JARID2: variants seen among roughly 807,000 people sequenced by gnomAD.
The protein encoded by JARID2 is jumonji and AT-rich interaction domain containing 2.
Under a neutral mutation model 125.6 loss-of-function variants are expected in JARID2, and 21 were observed. The observed-to-expected ratio is 0.17, with a 90% CI of 0.12 to 0.24. The LOEUF is 0.24. Ranked by LOEUF, JARID2 falls within the 10% of genes least tolerant of loss-of-function variation. The pLI, the probability that JARID2 is intolerant of heterozygous loss-of-function variation, is 1.00. For missense variants in JARID2, 1,303 were observed against 1,639.6 expected, an observed-to-expected ratio of 0.79 and a Z score of 3.55; for synonymous variants, 736 against 661.6, an observed-to-expected ratio of 1.11 and a Z score of -1.73.
At chr6:15,446,031 T>G (rs1767658678) in intron 3 of JARID2, among the ~76,000 whole-genome samples, 1 of 152,212 alleles carries the variant, frequency 6.6e-6, no homozygotes, top group South Asian at 2.1e-4. Context: ...CCTGTTGCTA[T>G]TGGATCTGTT....
At chr6:15,263,065 GGTGTGTGTTTGTGTGTGTGTGTGT>G in intron 1 of JARID2, among the ~76,000 whole-genome samples, 1 of 141,090 alleles carries the variant, frequency 7.1e-6, no homozygotes, top group African/African-American at 2.7e-5. Flanking sequence ...CCCTTTGGAG[GGTGTGTGTTTGTGTGTGTGTGTGT>G]GTGTGTGTGT....
intron 2 of JARID2, 89 bp from the exon 3 acceptor site, chr6:15,410,135 T>A: frequency 8.3e-7 from 1 of 1,204,936 alleles, no homozygotes; most frequent in Non-Finnish European, 1.2e-6. Flanking sequence ...CTTGTCTGTC[T>A]TCATCAGCGT....
At chr6:15,416,105 ACT>A (rs1213412150) in intron 3 of JARID2, among the ~76,000 whole-genome samples, 1 of 146,696 alleles carries the variant, frequency 6.8e-6, no homozygotes, top group Non-Finnish European at 1.5e-5. Context: ...CTGGGCAGAG[ACT>A]CTCCTCACTT....
chr6:15,401,073 G>A (rs1157064044), intron 2 of JARID2: 2 of 1,289,086 alleles, frequency 1.6e-6, no homozygotes, highest in African/African-American at 1.5e-5. Flanking sequence ...TTTCAGGCTG[G>A]TATGGCTTTT....
chr6:15,493,286 C>T (rs1274161667), intron 6 of JARID2, among the ~76,000 whole-genome samples: 1 of 152,178 alleles, frequency 6.6e-6, no homozygotes, highest in Non-Finnish European at 1.5e-5. Context: ...TCTTGATCCT[C>T]ACCAATTAGC....
intron 5 of JARID2, 77 bp downstream of exon 5, chr6:15,468,795 AGAGAT>A: frequency 1.4e-6 from 2 of 1,434,580 alleles, no homozygotes; most frequent in Non-Finnish European, 9.5e-7. Flanking sequence ...TCTGCTGAGA[AGAGAT>A]GAGATGAAGG....
rs140006436 is a variant in JARID2, at chr6:15,513,341, G to A, written c.3369G>A (p.Lys1123=). 89 of 1,613,372 alleles carry A rather than the reference G, an allele frequency of 5.5e-5. No homozygotes were observed. In the African/African-American group the frequency reaches 8.5e-4, roughly 15 times the overall value. Residue 1123 remains lysine (K), a synonymous_variant, in exon 16 of 18, where the codon AAG becomes AAA. Transcript: ENST00000341776. ...GCAGCAGCACGGTGGCGGACGGGAA[G>A]AAAAAGCCTCGAAAGTGGCTGCAGT... ...HDGSSTVADG[K]KKPRKWLQLE...
chr6:15,393,347 G>A (rs1397643080), intron 2 of JARID2, among the ~76,000 whole-genome samples: 1 of 152,138 alleles, frequency 6.6e-6, no homozygotes, highest in Non-Finnish European at 1.5e-5. Context: ...AATTATCTTT[G>A]TCTACCTTTG....
At chr6:15,483,467 T>C (rs996289620) in intron 5 of JARID2, among the ~76,000 whole-genome samples, 1 of 152,198 alleles carries the variant, frequency 6.6e-6, no homozygotes, top group Non-Finnish European at 1.5e-5. Context: ...TTGGTGCCAT[T>C]GCCTTTGTTT....
chr6:15,266,626 C>T (rs981016579), intron 1 of JARID2, among the ~76,000 whole-genome samples: 2 of 152,164 alleles, frequency 1.3e-5, no homozygotes, highest in African/African-American at 4.8e-5. Flanking sequence ...ATCAAAGTTT[C>T]TTCTGCTTTT....
chr6:15,404,563 ACAC>A, intron 2 of JARID2, among the ~76,000 whole-genome samples: 1 of 124,176 alleles, frequency 8.1e-6, no homozygotes, highest in Middle Eastern at 4.1e-3. Flanking sequence ...ACACACACAC[ACAC>A]ACACACAGAA....
At chr6:15,420,497 C>T (rs1355555994) in intron 3 of JARID2, among the ~76,000 whole-genome samples, 3 of 151,958 alleles carry the variant, frequency 2.0e-5, no homozygotes, top group Middle Eastern at 3.2e-3. Flanking sequence ...ATGTGGAGTA[C>T]AGTTACAAGA....
At chr6:15,274,926 CT>C (rs1760438999) in intron 1 of JARID2, among the ~76,000 whole-genome samples, 1 of 152,220 alleles carries the variant, frequency 6.6e-6, no homozygotes, top group Non-Finnish European at 1.5e-5. Flanking sequence ...AATGTTCTTT[CT>C]CCACTGGAGG....
chr6:15,442,711 T>C (rs1054811574), intron 3 of JARID2, among the ~76,000 whole-genome samples: 5 of 152,208 alleles, frequency 3.3e-5, no homozygotes, highest in Non-Finnish European at 7.3e-5. Flanking sequence ...GTTGCCACTT[T>C]AATTGTTGAT....
chr6:15,415,676 G>T (rs1581529414), intron 3 of JARID2, among the ~76,000 whole-genome samples: 6 of 144,928 alleles, frequency 4.1e-5, no homozygotes, highest in South Asian at 2.2e-4. Context: ...CGGACGGGGT[G>T]GCTGGCCGGG....
chr6:15,299,974 A>G (rs768562093), intron 1 of JARID2, among the ~76,000 whole-genome samples: 6 of 152,220 alleles, frequency 3.9e-5, no homozygotes, highest in Middle Eastern at 3.4e-3. Flanking sequence ...GATTCTGCAT[A>G]TCTCTTGAAC....
intron 1 of JARID2, among the ~76,000 whole-genome samples, chr6:15,271,418 TC>T (rs1158133590): frequency 2.6e-5 from 4 of 152,254 alleles, no homozygotes; most frequent in Non-Finnish European, 5.9e-5. Flanking sequence ...GCTTCTTTTT[TC>T]TTTTTTAAAT....
At chr6:15,360,936 T>G (rs1433819196) in intron 1 of JARID2, among the ~76,000 whole-genome samples, 1 of 152,366 alleles carries the variant, frequency 6.6e-6, no homozygotes, top group East Asian at 1.9e-4. Flanking sequence ...ATAAAGGCTT[T>G]TGTTTATTTT....
Position 15,521,797 on chromosome 6 carries a change from CAA to C in JARID2, c.*1547_*1548del, listed in dbSNP as rs1771870875. On this transcript the variant is annotated 3_prime_UTR_variant, in exon 18 of 18. Coordinates refer to ENST00000341776, the MANE Select transcript of JARID2 (RefSeq NM_004973.4). ...AATATTTAACAATTACAGAAACAGT[CAA>C]GTGTTTTCCAATGTGGTTGTCCGGT... 2 of 152,294 alleles carry C rather than the reference CAA, an allele frequency of 1.3e-5. No homozygotes were observed. Among genetic ancestry groups the C allele is most frequent in the South Asian group, 4.1e-4 (2 of 4,822 alleles). 9.4% of individuals were successfully genotyped at this position (152,294 alleles called of 1,614,324 possible). A position where few individuals can be genotyped will look rare whatever the true frequency, so the allele number is the denominator to read the frequency against.
Sources: allele counts gnomAD v4.1 joint callset (sites outside exome capture counted in the v4.1 genomes callset), GRCh38; gene constraint gnomAD v4.1.1; transcripts MANE v1.5; gene names NCBI Gene and HGNC (gene_info 2026-07-23, HGNC 2026-07-21).